Variants in MAF observed in about 807,000 individuals in gnomAD.
The protein encoded by MAF is transcription factor Maf.
MAF carries 10 observed loss-of-function variants against 22.0 expected under a neutral mutation model. The observed-to-expected ratio is 0.45, with a 90% CI of 0.28 to 0.77. MAF has a LOEUF of 0.77. Ranked by LOEUF, MAF falls within the 30% of genes least tolerant of loss-of-function variation. MAF has a pLI of 0.12. For missense variants in MAF, 544 were observed against 548.4 expected (o/e 0.99, Z 0.08); for synonymous variants, 337 against 255.8 (o/e 1.32, Z -3.03).
the MAF span, among the ~76,000 whole-genome samples, chr16:79,337,612 G>T: frequency 6.6e-6 from 1 of 151,850 alleles, no homozygotes; most frequent in African/African-American, 2.4e-5. Flanking sequence ...TTGCAAGCAA[G>T]CTGACCCAAC....
chr16:79,561,901 G>T, the MAF span, among the ~76,000 whole-genome samples: 1 of 152,146 alleles, frequency 6.6e-6, no homozygotes, highest in African/African-American at 2.4e-5. Context: ...TTGAGCACCT[G>T]AAGTATTGCA....
At chr16:79,416,990 A>C in the MAF span, among the ~76,000 whole-genome samples, 1 of 152,242 alleles carries the variant, frequency 6.6e-6, no homozygotes, top group African/African-American at 2.4e-5. Flanking sequence ...TTCAAGTTAG[A>C]AACATGGAAT....
chr16:79,576,761 T>C, the MAF span, among the ~76,000 whole-genome samples: 1 of 152,228 alleles, frequency 6.6e-6, no homozygotes, highest in Non-Finnish European at 1.5e-5. Context: ...GTGTTTACCC[T>C]GTGCCAGGTG....
At chr16:79,383,214 C>G in the MAF span, among the ~76,000 whole-genome samples, 1 of 151,880 alleles carries the variant, frequency 6.6e-6, no homozygotes, top group Non-Finnish European at 1.5e-5. Context: ...AACTGAAACC[C>G]TGGACTGGGG....
At chr16:79,442,955 G>C in the MAF span, among the ~76,000 whole-genome samples, 2,569 of 152,312 alleles carry the variant, frequency 0.017, 84 homozygotes, top group African/African-American at 0.059. Context: ...ACACCAGCCA[G>C]AAATAAGGGT....
the MAF span, among the ~76,000 whole-genome samples, chr16:79,558,376 TATC>T: frequency 6.6e-6 from 1 of 152,152 alleles, no homozygotes; most frequent in African/African-American, 2.4e-5. Flanking sequence ...GTCAAAGAAA[TATC>T]ATGGCTTAAA....
chr16:79,348,777 T>G, the MAF span, among the ~76,000 whole-genome samples: 4 of 152,350 alleles, frequency 2.6e-5, no homozygotes, highest in East Asian at 5.8e-4. Context: ...CTAGTGATTC[T>G]TATGTCATAT....
the MAF span, among the ~76,000 whole-genome samples, chr16:79,207,989 G>T: frequency 1.3e-5 from 2 of 152,118 alleles, no homozygotes; most frequent in Admixed American, 1.3e-4. Context: ...AGATCTGAGG[G>T]CCTCAACTAT....
chr16:79,409,066 C>A, the MAF span, among the ~76,000 whole-genome samples: 47 of 151,696 alleles, frequency 3.1e-4, no homozygotes, highest in African/African-American at 1.1e-3. Context: ...ACAGTGTGAA[C>A]AGCACCTGGA....
chr16:79,292,485 T>G, the MAF span, among the ~76,000 whole-genome samples: 2 of 152,202 alleles, frequency 1.3e-5, no homozygotes, highest in African/African-American at 4.8e-5. Context: ...TAAATTTCTT[T>G]TGTAAGTAAC....
At chr16:79,354,814 G>C in the MAF span, among the ~76,000 whole-genome samples, 1 of 152,044 alleles carries the variant, frequency 6.6e-6, no homozygotes, top group East Asian at 1.9e-4. Flanking sequence ...GTCTCAAAAG[G>C]AACAAGAATT....
chr16:79,478,146 A>C, the MAF span, among the ~76,000 whole-genome samples: 2 of 152,216 alleles, frequency 1.3e-5, no homozygotes. Flanking sequence ...TGAAACTCAA[A>C]TGTCAAACTT....
At chr16:79,501,598 G>A in the MAF span, among the ~76,000 whole-genome samples, 1 of 152,100 alleles carries the variant, frequency 6.6e-6, no homozygotes, top group African/African-American at 2.4e-5. Flanking sequence ...AAATCTCACA[G>A]AGACACCCTG....
At chr16:79,393,661 A>ATC in the MAF span, among the ~76,000 whole-genome samples, 4 of 152,128 alleles carry the variant, frequency 2.6e-5, no homozygotes, top group African/African-American at 7.2e-5. Flanking sequence ...ATTATTCCAG[A>ATC]AAGGTGGTCC....
the MAF span, among the ~76,000 whole-genome samples, chr16:79,362,577 A>G: frequency 2.6e-5 from 4 of 152,260 alleles, no homozygotes; most frequent in Admixed American, 6.5e-5. Flanking sequence ...TTGCGAATGA[A>G]CTATAGGCAC....
At chr16:79,514,852 C>T in the MAF span, among the ~76,000 whole-genome samples, 12 of 152,184 alleles carry the variant, frequency 7.9e-5, no homozygotes, top group Admixed American at 3.3e-4. Context: ...AATTCTCCTG[C>T]GCTTCTCTCC....
At chr16:79,213,862 A>G in the MAF span, among the ~76,000 whole-genome samples, 1 of 152,230 alleles carries the variant, frequency 6.6e-6, no homozygotes, top group African/African-American at 2.4e-5. Context: ...GCTAACTGAT[A>G]CAGCTTCTCA....
the MAF span, among the ~76,000 whole-genome samples, chr16:79,217,581 G>A: frequency 5.3e-5 from 8 of 152,242 alleles, no homozygotes; most frequent in East Asian, 1.9e-4. Flanking sequence ...ACCTTCTCAT[G>A]GACTCAACAT....
At position 79,600,725 on chromosome 16, in the gene MAF, C is replaced by G. The variant is rs1170092279; in HGVS notation, c.-823G>C. On this transcript the variant is annotated 5_prime_UTR_variant, in exon 1 of 2. Coordinates refer to ENST00000326043, the MANE Select transcript of MAF (RefSeq NM_005360.5). ...AAGATGAAAAAAGATTTTAAAGCCT[C>G]TGATCCAGCAAGAAGAGTTTAAAGC... 1.0e-5 allele frequency: 2 copies of G among 194,242 alleles called. No individual in the cohort carries two copies. Among genetic ancestry groups the G allele is most frequent in the Non-Finnish European group, 2.4e-5 (2 of 83,856 alleles). 12.0% of individuals were successfully genotyped at this position (194,242 alleles called of 1,614,324 possible).
Sources: allele counts gnomAD v4.1 joint callset (sites outside exome capture counted in the v4.1 genomes callset), GRCh38; gene constraint gnomAD v4.1.1; transcripts MANE v1.5; gene names NCBI Gene and HGNC (gene_info 2026-07-23, HGNC 2026-07-21).